The following CREB5 variants were observed in gnomAD, a reference collection of about 807,000 sequenced individuals.
CREB5 encodes the protein cAMP responsive element binding protein 5, also known as cyclic AMP-responsive element-binding protein 5.
Under a neutral mutation model 57.1 loss-of-function variants are expected in CREB5, and 19 were observed. The ratio of observed to expected loss-of-function variants is 0.33; its 90% CI spans 0.23 to 0.49. The LOEUF is 0.49. Among genes scored for constraint, CREB5 ranks in the 20% least tolerant of loss-of-function variants. The pLI, the probability that CREB5 is intolerant of heterozygous loss-of-function variation, is 0.99. For synonymous variants in CREB5, 238 were observed against 238.3 expected (o/e 1.00, Z 0.01); for missense variants, 579 against 671.6 (o/e 0.86, Z 1.52).
chr7:28,410,216 C>T, upstream of CREB5: 1 of 453,062 alleles, frequency 2.2e-6, no homozygotes, highest in Non-Finnish European at 4.4e-6. Flanking sequence ...CCAGGCGCTC[C>T]GGGCTGGAGA....
In CREB5 at chr7:28,360,763, C is replaced by T. The variant is rs149865776; in HGVS notation, c.-25+61322C>T. On this transcript the variant is annotated intron_variant, in intron 1 of 9. Coordinates refer to the CREB5 transcript ENST00000396299. Reference sequence around the variant, plus strand: ...ATAACACTTAAAAAATAGAAAGTGCCTTATAAAACGTGTAGTCTGTCACAA... The same window carrying T: ...ATAACACTTAAAAAATAGAAAGTGCTTTATAAAACGTGTAGTCTGTCACAA... Among the ~76,000 whole-genome samples, 55 of 152,216 alleles carry T rather than the reference C, an allele frequency of 3.6e-4. No individual in the cohort carries two copies. In the East Asian group the frequency reaches 7.7e-3, roughly 21 times the overall value.
intron 1 of CREB5, among the ~76,000 whole-genome samples, chr7:28,312,439 A>G (rs1785296979): frequency 1.3e-5 from 2 of 152,218 alleles, no homozygotes; most frequent in South Asian, 4.1e-4. Context: ...GAGGGGGCTC[A>G]GTGACAAGAC....
intron 1 of CREB5, among the ~76,000 whole-genome samples, chr7:28,311,350 G>T (rs1343551959): frequency 6.6e-6 from 1 of 151,972 alleles, no homozygotes; most frequent in African/African-American, 2.4e-5. Context: ...TATTTTCAAA[G>T]AACTGTGCTG....
chr7:28,537,794 ATTC>A (rs1473416849), intron 4 of CREB5, among the ~76,000 whole-genome samples: 1 of 152,186 alleles, frequency 6.6e-6, no homozygotes, highest in Non-Finnish European at 1.5e-5. Flanking sequence ...GTACATGCAC[ATTC>A]TTCTTTTTGG....
chr7:28,414,944 A>ATAT (rs1787968105), intron 1 of CREB5, among the ~76,000 whole-genome samples: 1 of 152,132 alleles, frequency 6.6e-6, no homozygotes, highest in Admixed American at 6.5e-5. Flanking sequence ...CCCATAAAAG[A>ATAT]TATTATATTG....
chr7:28,469,248 T>C (rs892228669), intron 1 of CREB5, among the ~76,000 whole-genome samples: 1 of 152,084 alleles, frequency 6.6e-6, no homozygotes, highest in African/African-American at 2.4e-5. Context: ...AAATTAAAAA[T>C]ATAAGAAAGT....
chr7:28,589,368 C>T (rs913787983), intron 5 of CREB5, among the ~76,000 whole-genome samples: 12 of 152,074 alleles, frequency 7.9e-5, no homozygotes, highest in African/African-American at 2.9e-4. Context: ...TCCTGACTAA[C>T]ACAGTGAAAC....
upstream of CREB5, chr7:28,409,672 C>T: frequency 3.6e-6 from 1 of 281,364 alleles, no homozygotes; most frequent in Non-Finnish European, 7.0e-6. This position sits in a 1 kb window ranked among gnomAD's most constrained non-coding sequence, Gnocchi z 4.4. Flanking sequence ...AAGTCCGGCC[C>T]CGAGTGCTGG....
chr7:28,512,731 G>C (rs1792767726), intron 4 of CREB5, among the ~76,000 whole-genome samples: 1 of 151,982 alleles, frequency 6.6e-6, no homozygotes, highest in Non-Finnish European at 1.5e-5. Context: ...CCTTTGTCCT[G>C]CTAAGAGAAA....
intron 1 of CREB5, among the ~76,000 whole-genome samples, chr7:28,419,032 A>G (rs1276885844): frequency 6.6e-6 from 1 of 152,238 alleles, no homozygotes; most frequent in Non-Finnish European, 1.5e-5. Context: ...TGGATTGATT[A>G]GTAAATACAT....
At chr7:28,306,568 T>TTTTTTTTTTTTTTGTTTG (rs1785191302) in intron 1 of CREB5, among the ~76,000 whole-genome samples, 6 of 132,782 alleles carry the variant, frequency 4.5e-5, no homozygotes, top group Admixed American at 7.6e-5. Context: ...TTTTTTTTTT[T>TTTTTTTTTTTTTTGTTTG]TTTTTTTTTT....
intron 1 of CREB5, among the ~76,000 whole-genome samples, chr7:28,307,937 G>C (rs1208360156): frequency 6.6e-6 from 1 of 152,218 alleles, no homozygotes; most frequent in Non-Finnish European, 1.5e-5. Context: ...ATGATGCATG[G>C]GAGCTGGTAG....
intron 5 of CREB5, among the ~76,000 whole-genome samples, chr7:28,694,576 G>A (rs1226417841): frequency 6.6e-6 from 1 of 152,152 alleles, no homozygotes; most frequent in Non-Finnish European, 1.5e-5. Flanking sequence ...TTTCTTTAGC[G>A]ACAGGGTCTC....
intron 5 of CREB5, among the ~76,000 whole-genome samples, chr7:28,671,023 G>T (rs554837881): frequency 6.6e-6 from 1 of 152,170 alleles, no homozygotes; most frequent in South Asian, 2.1e-4. Flanking sequence ...CTGTGCTTTG[G>T]GAGGCTGAGG....
chr7:28,661,153 G>A (rs540036654), intron 5 of CREB5, among the ~76,000 whole-genome samples: 1 of 152,216 alleles, frequency 6.6e-6, no homozygotes, highest in East Asian at 1.9e-4. Flanking sequence ...CTTGCTTCTG[G>A]TATTTTTCTT....
chr7:28,635,113 T>C (rs1321148440), intron 5 of CREB5, among the ~76,000 whole-genome samples: 9 of 152,194 alleles, frequency 5.9e-5, no homozygotes, highest in Admixed American at 5.2e-4. Flanking sequence ...ATACCACTTC[T>C]AGTTAGTAGA....
intron 5 of CREB5, among the ~76,000 whole-genome samples, chr7:28,583,935 C>T (rs1312180897): frequency 6.6e-6 from 1 of 152,114 alleles, no homozygotes; most frequent in Non-Finnish European, 1.5e-5. Flanking sequence ...GCCTCAGCCT[C>T]CCGAAGTGCT....
At chr7:28,745,490 G>A (rs187171969) in intron 7 of CREB5, among the ~76,000 whole-genome samples, 2 of 152,336 alleles carry the variant, frequency 1.3e-5, no homozygotes, top group Non-Finnish European at 1.5e-5. Flanking sequence ...TGAATCCATA[G>A]CCAGGCTCAG....
intron 5 of CREB5, among the ~76,000 whole-genome samples, chr7:28,707,014 C>T (rs1339864224): frequency 6.6e-6 from 1 of 152,086 alleles, no homozygotes; most frequent in Admixed American, 6.6e-5. Flanking sequence ...AAATATTCTC[C>T]CTTCAGCCTA....
Sources: gnomAD v4.1 joint callset for allele counts (sites outside exome capture counted in the v4.1 genomes callset) on GRCh38, gnomAD v4.1.1 for gene constraint, Gnocchi (gnomAD v3.1) non-coding constraint, MANE v1.5 for transcripts, NCBI Gene and HGNC (gene_info 2026-07-23, HGNC 2026-07-21) for gene names.